The following SHLD1 variants were observed in gnomAD, a reference collection of about 807,000 sequenced individuals.
SHLD1 encodes the protein RINN1-REV7-interacting novel NHEJ regulator 3.
Under a neutral mutation model 5.5 loss-of-function variants are expected in SHLD1, and 3 were observed. The observed-to-expected ratio is 0.54, with a 90% CI of 0.25 to 1.40. The LOEUF (loss-of-function observed/expected upper bound fraction) is 1.40, where lower values mean the gene tolerates loss of function less well. SHLD1 is among the 40% of genes most tolerant of loss of function. The pLI, the probability that SHLD1 is intolerant of heterozygous loss-of-function variation, is 0.15. For missense variants in SHLD1, 210 were observed against 244.4 expected, an observed-to-expected ratio of 0.86 and a Z score of 0.94; for synonymous variants, 92 against 94.3, an observed-to-expected ratio of 0.98 and a Z score of 0.14.
Position 5,806,857 on chromosome 20 carries a change from C to T in SHLD1, c.178+33814C>T, listed in dbSNP as rs139137388. Among the ~76,000 whole-genome samples the T allele has an allele frequency of 2.4e-3, 359 of 152,366 alleles. 7 individuals are homozygous for T. The South Asian group carries it at 0.034, about 14-fold the overall frequency. On this transcript the variant is annotated intron_variant, in intron 2 of 2. Coordinates refer to ENST00000303142, the MANE Select transcript of SHLD1 (RefSeq NM_152504.4). This position sits in a 1 kb window ranked among gnomAD's most constrained non-coding sequence, Gnocchi z 7.6. ...GATGGTTGCCAGCCCTCTGTCACCA[C>T]CCTCTCCACTAGAATGCCATGTATT... is the stretch of plus-strand genomic sequence containing the variant.
At chr20:5,804,799 G>A (rs1015244267) in intron 2 of SHLD1, among the ~76,000 whole-genome samples, 4 of 152,186 alleles carry the variant, frequency 2.6e-5, no homozygotes, top group African/African-American at 9.7e-5. Flanking sequence ...TGAAGTGTTT[G>A]AAGGCAAGGG....
At chr20:5,859,610 C>A (rs79514356) in intron 2 of SHLD1, among the ~76,000 whole-genome samples, 1 of 152,300 alleles carries the variant, frequency 6.6e-6, no homozygotes, top group East Asian at 1.9e-4. Context: ...GCTACATTTG[C>A]TGGCAAAGAA....
At chr20:5,768,905 T>G (rs1203626343) in intron 1 of SHLD1, among the ~76,000 whole-genome samples, 2 of 30,238 alleles carry the variant, frequency 6.6e-5, no homozygotes, top group South Asian at 1.6e-3. Flanking sequence ...CATGTAATTG[T>G]TTTTTTTTTT....
intron 2 of SHLD1, among the ~76,000 whole-genome samples, chr20:5,802,813 C>T (rs2087313344): frequency 6.6e-6 from 1 of 151,966 alleles, no homozygotes; most frequent in South Asian, 2.1e-4. Context: ...TGCCCAGTGT[C>T]TCAAGCAATT....
chr20:5,856,589 C>T (rs1338479484), intron 2 of SHLD1, among the ~76,000 whole-genome samples: 1 of 152,180 alleles, frequency 6.6e-6, no homozygotes, highest in Non-Finnish European at 1.5e-5. Context: ...CACATGGAGG[C>T]ACCTTATCCA....
chr20:5,786,780 C>G (rs1392503056), intron 2 of SHLD1, among the ~76,000 whole-genome samples: 1 of 151,908 alleles, frequency 6.6e-6, no homozygotes, highest in Non-Finnish European at 1.5e-5. Flanking sequence ...CTTTTTTGTT[C>G]AATCATATTT....
chr20:5,799,136 G>A (rs570075341), intron 2 of SHLD1, among the ~76,000 whole-genome samples: 51 of 152,146 alleles, frequency 3.4e-4, no homozygotes, highest in African/African-American at 1.2e-3. Flanking sequence ...CTGGGAGGCG[G>A]AGGTTGCAGT....
intron 2 of SHLD1, among the ~76,000 whole-genome samples, chr20:5,791,707 A>C (rs1466497971): frequency 6.6e-6 from 1 of 152,178 alleles, no homozygotes; most frequent in Non-Finnish European, 1.5e-5. Context: ...GACAGGCCAC[A>C]GACTGGGAGA....
intron 2 of SHLD1, among the ~76,000 whole-genome samples, chr20:5,800,244 C>T (rs1194100022): frequency 6.6e-6 from 1 of 152,234 alleles, no homozygotes; most frequent in Non-Finnish European, 1.5e-5. Flanking sequence ...CCCACACTGT[C>T]TTGGAAGTTC....
chr20:5,777,177 T>C lies in SHLD1; in HGVS notation c.178+4134T>C, dbSNP rs138283849. On this transcript the variant is annotated intron_variant, in intron 2 of 2. Transcript: ENST00000303142. ...CTAATATTTATATTTTTAGTAGAGA[T>C]GAGGTTTCACCATGTTGGCAAGGCT... Among the ~76,000 whole-genome samples, 828 of 152,148 alleles carry C rather than the reference T, an allele frequency of 5.4e-3. 10 individuals are homozygous for C. Among genetic ancestry groups the C allele is most frequent in the African/African-American group, 0.019 (784 of 41,532 alleles).
chr20:5,773,100 G>T, intron 2 of SHLD1, 57 bp downstream of exon 2: 1 of 1,566,328 alleles, frequency 6.4e-7, no homozygotes, highest in Non-Finnish European at 8.8e-7. Context: ...CAATACGGGT[G>T]TGTGATAGTT....
chr20:5,825,915 A>G (rs1055405607), intron 2 of SHLD1, among the ~76,000 whole-genome samples: 1 of 152,234 alleles, frequency 6.6e-6, no homozygotes, highest in Non-Finnish European at 1.5e-5. Context: ...GTATTATGCA[A>G]CTGACGACAT....
intron 2 of SHLD1, among the ~76,000 whole-genome samples, chr20:5,819,374 A>T (rs1452390008): frequency 6.6e-6 from 1 of 152,194 alleles, no homozygotes; most frequent in Non-Finnish European, 1.5e-5. Context: ...CTTATCTGTT[A>T]TTTCTCATTC....
At chr20:5,817,441 T>C (rs2087550059) in intron 2 of SHLD1, among the ~76,000 whole-genome samples, 1 of 107,298 alleles carries the variant, frequency 9.3e-6, no homozygotes, top group African/African-American at 3.6e-5. Context: ...TCTGTGTGTG[T>C]GTGTGTGTGT....
intron 2 of SHLD1, among the ~76,000 whole-genome samples, chr20:5,844,566 A>AG (rs894338707): frequency 7.9e-5 from 12 of 152,020 alleles, no homozygotes; most frequent in African/African-American, 2.9e-4. Context: ...TACTTTGCAG[A>AG]GGGTGCACCA....
rs568695544 is a variant in SHLD1, at chr20:5,770,519, C to T, written c.-4-2343C>T. On this transcript the variant is annotated intron_variant, in intron 1 of 2. Transcript: ENST00000303142. Reference sequence around the variant, plus strand: ...TATTTCATCAAGCATATCAGCAAATCCTTCTCCATCAACTTGTCTTGTTGC... The same window carrying T: ...TATTTCATCAAGCATATCAGCAAATTCTTCTCCATCAACTTGTCTTGTTGC... 2.6e-5 allele frequency among the ~76,000 whole-genome samples: 4 copies of T among 152,306 alleles called. No individual in the cohort carries two copies. The South Asian group carries it at 6.2e-4, about 24-fold the overall frequency.
intron 1 of SHLD1, among the ~76,000 whole-genome samples, chr20:5,769,637 G>T (rs1052642208): frequency 1.5e-4 from 23 of 152,156 alleles, no homozygotes; most frequent in Non-Finnish European, 2.6e-4. Context: ...TAAGTTATGT[G>T]AATGTGGTCT....
chr20:5,844,799 A>ATATATATATTT (rs1460082835), intron 2 of SHLD1, among the ~76,000 whole-genome samples: 2 of 71,718 alleles, frequency 2.8e-5, no homozygotes, highest in East Asian at 7.5e-4. Flanking sequence ...ATATATATAT[A>ATATATATATTT]TTTTTTTTTT....
intron 2 of SHLD1, among the ~76,000 whole-genome samples, chr20:5,793,868 T>G (rs1391629878): frequency 1.3e-5 from 2 of 152,098 alleles, no homozygotes; most frequent in East Asian, 3.9e-4. Context: ...CCACCGTGCC[T>G]GGCTAATTTT....
Sources: gnomAD v4.1 joint callset for allele counts (sites outside exome capture counted in the v4.1 genomes callset) on GRCh38, gnomAD v4.1.1 for gene constraint, Gnocchi (gnomAD v3.1) non-coding constraint, MANE v1.5 for transcripts, NCBI Gene and HGNC (gene_info 2026-07-23, HGNC 2026-07-21) for gene names.